The following CAPN2 variants were observed in gnomAD, a reference collection of about 807,000 sequenced individuals.
The protein encoded by CAPN2 is calpain-2 catalytic subunit.
A neutral mutation model predicts 102.3 loss-of-function variants in CAPN2; 92 were observed. That is an observed-to-expected ratio of 0.90 (90% CI 0.76 to 1.07). The LOEUF (loss-of-function observed/expected upper bound fraction) is 1.07. CAPN2 is among the 50% of genes least tolerant of loss of function. The pLI is 0.00. For missense variants in CAPN2, 800 were observed against 909.4 expected, an observed-to-expected ratio of 0.88 and a Z score of 1.55; for synonymous variants, 340 against 355.4, an observed-to-expected ratio of 0.96 and a Z score of 0.49.
rs12030020 is a variant in CAPN2 at position 223,718,970 on chromosome 1, G to C, written c.307+1139G>C. On this transcript the variant is annotated intron_variant, in intron 2 of 20. Transcript: ENST00000295006. ...GGAAAATTTTCTAGCCCTGAGGAAT[G>C]TCAGAGCATCATGTGAATCATTAGG... Among the ~76,000 whole-genome samples the C allele has an allele frequency of 7.9e-3, 1,196 of 152,308 alleles. 84 individuals carry two copies. The East Asian group carries it at 0.16, about 21-fold the overall frequency.
At position 223,754,503 on chromosome 1, in the gene CAPN2, C is replaced by T. The variant is rs1415750827; in HGVS notation, c.1136-977C>T. 6.6e-6 allele frequency among the ~76,000 whole-genome samples: 1 copy of T among 152,218 alleles called. No homozygotes were observed. Among genetic ancestry groups the T allele is most frequent in the Non-Finnish European group, 1.5e-5 (1 of 68,036 alleles). On this transcript the variant is annotated intron_variant, in intron 9 of 20. Coordinates refer to ENST00000295006, the MANE Select transcript of CAPN2 (RefSeq NM_001748.5). This position sits in a 1 kb window ranked among gnomAD's most constrained non-coding sequence, Gnocchi z 4.7. ...ATACTTAAGCGAATGGCCGTGGCTA[C>T]GTTCCAATAAAACGTTATTTACAAA...
chr1:223,765,405 T>C (rs528012519), intron 15 of CAPN2, among the ~76,000 whole-genome samples: 2 of 152,282 alleles, frequency 1.3e-5, no homozygotes, highest in East Asian at 1.9e-4. Context: ...GGCAAGAAGA[T>C]TGTGTTTACC....
At chr1:223,770,075 C>T (rs1661432179) in intron 17 of CAPN2, 166 bp downstream of exon 17, 1 of 652,576 alleles carries the variant, frequency 1.5e-6, no homozygotes, top group African/African-American at 1.8e-5. Context: ...GAAATGCAAA[C>T]AAAAAACCAA....
In CAPN2 at chr1:223,769,842, C is replaced by T. The variant is rs533912773; in HGVS notation, c.1757C>T (p.Ser586Leu). ...TCKIMVDMLD[S>L]DGSGKLGLKE... ...AGGGCTTTCCTTGACTGAAGGCAGT[C>T]GGACGGGAGTGGCAAGCTGGGGCTG... is the stretch of plus-strand genomic sequence containing the variant. The change falls in exon 17 of 21, where the codon TCG becomes TTG. Residue 586 changes from serine to leucine, a missense_variant and splice_region_variant. Physicochemically the swap from Ser to Leu is moderately radical, Grantham distance 145. Transcript: ENST00000295006. The T allele has an allele frequency of 7.5e-6, 12 of 1,607,720 alleles. No individual in the cohort carries two copies. The highest frequency in any genetic ancestry group is 1.7e-4 in the Middle Eastern group (1 of 6,052).
intron 1 of CAPN2, 139 bp from the exon 2 acceptor site, chr1:223,717,623 C>A: frequency 1.4e-6 from 1 of 693,366 alleles, no homozygotes. Context: ...ACACAGAGTT[C>A]TGACTGTGAT....
Position 223,749,105 on chromosome 1 carries a change from G to T in CAPN2, c.796G>T (p.Val266Phe). Reference protein sequence around the residue: ...QKLVKGHAYSVTGAEEVESNG... With the variant: ...QKLVKGHAYSFTGAEEVESNG... ...GCTGGTGAAGGGGCACGCGTACTCGGTCACCGGAGCCGAGGAGGTAACGGC... is the reference window on the plus strand; with the variant it reads ...GCTGGTGAAGGGGCACGCGTACTCGTTCACCGGAGCCGAGGAGGTAACGGC... The change falls in exon 6 of 21, where the codon GTC becomes TTC. Residue 266 changes from valine (V) to phenylalanine (F), a missense_variant. Transcript: ENST00000295006. 5.6e-6 allele frequency: 9 copies of T among 1,614,068 alleles called. No individual in the cohort carries two copies. The highest frequency in any genetic ancestry group is 7.6e-6 in the Non-Finnish European group (9 of 1,179,924).
upstream of CAPN2, among the ~76,000 whole-genome samples, chr1:223,710,200 C>T (rs1659700322): frequency 6.6e-6 from 1 of 151,966 alleles, no homozygotes; most frequent in Non-Finnish European, 1.5e-5. Flanking sequence ...CGCTGGAACC[C>T]GGGAGGCAGA....
Position 223,712,697 on chromosome 1 carries a change from C to T in CAPN2, c.57C>T (p.Gly19=), listed in dbSNP as rs750093246. The T allele has an allele frequency of 1.9e-6, 3 of 1,574,408 alleles. No homozygotes were observed. Among genetic ancestry groups the T allele is most frequent in the African/African-American group, 1.4e-5 (1 of 72,658 alleles). Residue 19 remains glycine, a synonymous_variant, in exon 1 of 21, where the codon GGC becomes GGT. Coordinates refer to ENST00000295006, the MANE Select transcript of CAPN2 (RefSeq NM_001748.5). ...ACCGGGAGGCGGCCGAGGGGCTGGG[C>T]TCCCACGACAGGGCCATCAAGTACC... ...AKDREAAEGL[G]SHDRAIKYLN... is the part of the protein sequence containing the mutation.
chr1:223,770,766 C>G (rs1661452631), intron 18 of CAPN2: 1 of 349,816 alleles, frequency 2.9e-6, no homozygotes, highest in Non-Finnish European at 5.2e-6. Context: ...CCGCCTGGCA[C>G]AGTAAGCAGG....
At chr1:223,736,240 AAG>A (rs1417342991) in intron 2 of CAPN2, among the ~76,000 whole-genome samples, 6 of 152,172 alleles carry the variant, frequency 3.9e-5, no homozygotes, top group Admixed American at 3.9e-4. Context: ...GGGAGGCAGG[AAG>A]AGAGATCCTC....
intron 17 of CAPN2, chr1:223,770,173 G>C (rs539098213): frequency 2.6e-5 from 15 of 576,812 alleles, no homozygotes; most frequent in Non-Finnish European, 4.6e-5. Context: ...TCCTGAAAAG[G>C]GTTTTTGACA....
chr1:223,720,842 T>C, intron 2 of CAPN2, among the ~76,000 whole-genome samples: 1 of 152,032 alleles, frequency 6.6e-6, no homozygotes, highest in Non-Finnish European at 1.5e-5. Flanking sequence ...GATTGAACCC[T>C]GGTCTGATTT....
At chr1:223,714,640 A>AG (rs35822436) in intron 1 of CAPN2, among the ~76,000 whole-genome samples, 2 of 151,346 alleles carry the variant, frequency 1.3e-5, no homozygotes, top group Non-Finnish European at 2.9e-5. Flanking sequence ...AAAAAAAAAA[A>AG]GTGAAACACA....
At chr1:223,774,650 C>A (rs1339697409) in intron 20 of CAPN2, among the ~76,000 whole-genome samples, 184 bp from the exon 21 acceptor site, 1 of 152,224 alleles carries the variant, frequency 6.6e-6, no homozygotes, top group Non-Finnish European at 1.5e-5. Context: ...ATCACACAGA[C>A]TACTGACCTG....
chr1:223,768,824 G>A (rs559639166), intron 16 of CAPN2, among the ~76,000 whole-genome samples: 1 of 151,740 alleles, frequency 6.6e-6, no homozygotes, highest in South Asian at 2.1e-4. Context: ...CATGAGCATG[G>A]AATGTTCTTC....
intron 2 of CAPN2, among the ~76,000 whole-genome samples, chr1:223,723,441 T>C (rs1262578634): frequency 6.6e-6 from 1 of 152,172 alleles, no homozygotes; most frequent in African/African-American, 2.4e-5. Context: ...AAATGATCTC[T>C]TCACCACCAG....
chr1:223,752,990 G>C (rs768359194), intron 9 of CAPN2, 34 bp downstream of exon 9: 2 of 1,607,610 alleles, frequency 1.2e-6, no homozygotes, highest in South Asian at 1.1e-5. Context: ...CTGTTGCAAT[G>C]CGGGGCCACC....
intron 1 of CAPN2, 30 bp downstream of exon 1, chr1:223,712,907 G>A: frequency 1.4e-6 from 2 of 1,460,226 alleles, no homozygotes; most frequent in Non-Finnish European, 1.8e-6. Flanking sequence ...ACGCGGGCAG[G>A]GCGGGGTGCC....
chr1:223,707,076 C>A (rs1311722246), intron 1 of CAPN2, among the ~76,000 whole-genome samples: 7 of 138,914 alleles, frequency 5.0e-5, no homozygotes, highest in Non-Finnish European at 9.3e-5. Context: ...TGAGACTCCA[C>A]CTCAAAAAAA....
Sources: allele counts gnomAD v4.1 joint callset (sites outside exome capture counted in the v4.1 genomes callset), GRCh38; gene constraint gnomAD v4.1.1; non-coding constraint Gnocchi (gnomAD v3.1); transcripts MANE v1.5; gene names NCBI Gene and HGNC (gene_info 2026-07-23, HGNC 2026-07-21).